The following MAP7D3 variants were observed in gnomAD, a reference collection of about 807,000 sequenced individuals.
MAP7D3 encodes the protein MAP7 domain-containing protein 3.
In MAP7D3, 45 loss-of-function variants were observed where a neutral mutation model predicts 62.2. That is an observed-to-expected ratio of 0.72 (90% CI 0.57 to 0.93). The LOEUF (loss-of-function observed/expected upper bound fraction) is 0.93. MAP7D3 is among the 40% of genes least tolerant of loss of function. The pLI is 0.00. For missense variants in MAP7D3, 711 were observed against 683.1 expected, an observed-to-expected ratio of 1.04 and a Z score of -0.45; for synonymous variants, 288 against 248.8, an observed-to-expected ratio of 1.16 and a Z score of -1.48.
chrX:136,241,654 T>C (rs1194955888), intron 4 of MAP7D3, among the ~76,000 whole-genome samples: 1 of 111,063 alleles, frequency 9.0e-6, no homozygotes, highest in Non-Finnish European at 1.9e-5. Context: ...CCCCCAACCA[T>C]TTATTTTTAT....
chrX:136,254,087 T>G (rs2074537763), upstream of MAP7D3, among the ~76,000 whole-genome samples: 1 of 108,988 alleles, frequency 9.2e-6, no homozygotes, highest in Admixed American at 9.8e-5. Context: ...GTTAGATAAT[T>G]TTTTCTTTAT....
At chrX:136,231,001 C>T in intron 8 of MAP7D3, 35 bp from the exon 9 acceptor site, 1 of 987,216 alleles carries the variant, frequency 1.0e-6, no homozygotes, top group Non-Finnish European at 1.4e-6. Flanking sequence ...AAATTACTAA[C>T]AAACAATTCT....
At chrX:136,218,627 C>T (rs2074087166) in intron 18 of MAP7D3, 134 bp from the exon 19 acceptor site, 1 of 111,779 alleles carries the variant, frequency 8.9e-6, no homozygotes, top group South Asian at 3.8e-4. Flanking sequence ...CACACTGGTC[C>T]TATAAATGTC....
chrX:136,222,867 A>G (rs1309316213), intron 14 of MAP7D3, among the ~76,000 whole-genome samples: 4 of 107,819 alleles, frequency 3.7e-5, no homozygotes. Flanking sequence ...GGGAGGACAA[A>G]GCCTCACTCT....
rs1304902176 is a variant in MAP7D3 at position 136,220,846 on chromosome X, G to C, written c.2405C>G (p.Pro802Arg). ...CAAATCGCCATTAAAATATGTTTTT[G>C]GCTCTTTACGGACCTGGCTGGTACC... Reference protein sequence around the residue: ...EDGTSQVRKEPKTYFNGDLKN... With the variant: ...EDGTSQVRKERKTYFNGDLKN... The change falls in exon 16 of 19, where the codon CCA becomes CGA. Residue 802 changes from proline (P) to arginine (R), a missense_variant. Coordinates refer to ENST00000316077, the MANE Select transcript of MAP7D3 (RefSeq NM_024597.4). The C allele has an allele frequency of 5.8e-6, 7 of 1,205,180 alleles. No individual in the cohort carries two copies. The Admixed American group carries it at 1.5e-4, about 26-fold the overall frequency.
intron 1 of MAP7D3, among the ~76,000 whole-genome samples, chrX:136,246,683 G>A (rs921399172): frequency 8.9e-6 from 1 of 111,995 alleles, no homozygotes; most frequent in South Asian, 3.7e-4. Context: ...TACACCAAGT[G>A]TTAGAAATAC....
rs1235029088 is a variant in MAP7D3, at chrX:136,236,372, T to C, written c.641-33A>G. ...GCAAGTACAAAAGGAATATTAGTTT[T>C]CATAAACTACTAATTATCTCAGGAG... On this transcript the variant is annotated intron_variant, in intron 6 of 18. Transcript: ENST00000316077. 4.7e-6 allele frequency: 4 copies of C among 851,132 alleles called. No individual in the cohort carries two copies. In the African/African-American group the frequency reaches 8.1e-5, roughly 17 times the overall value. The allele number at this position is 851,132 out of a possible 1,213,427, so 70.1% of individuals were successfully genotyped here.
chrX:136,249,450 A>G (rs1469010798), intron 1 of MAP7D3, among the ~76,000 whole-genome samples: 5 of 112,766 alleles, frequency 4.4e-5, no homozygotes, highest in Non-Finnish European at 9.4e-5. Context: ...GCATAAAAAT[A>G]TAAACACGTG....
At chrX:136,226,897 G>A (rs1175435618) in intron 12 of MAP7D3, among the ~76,000 whole-genome samples, 5 of 111,043 alleles carry the variant, frequency 4.5e-5, no homozygotes, top group African/African-American at 1.6e-4. Context: ...GGGAAGCTGA[G>A]GCGGGCGGAT....
At chrX:136,243,660 G>A (rs1025127065) in intron 4 of MAP7D3, among the ~76,000 whole-genome samples, 4 of 109,071 alleles carry the variant, frequency 3.7e-5, no homozygotes, top group East Asian at 2.9e-4. Flanking sequence ...CCAAGATCAC[G>A]CCACTATACT....
intron 5 of MAP7D3, 93 bp from the exon 6 acceptor site, chrX:136,240,579 T>C (rs142195457): frequency 2.8e-5 from 16 of 563,787 alleles, no homozygotes; most frequent in East Asian, 2.8e-4. Context: ...TATAGTTCTA[T>C]GGAGCACAGA....
upstream of MAP7D3, chrX:136,256,119 C>G: frequency 1.3e-6 from 1 of 750,743 alleles, no homozygotes; most frequent in Non-Finnish European, 1.6e-6. Flanking sequence ...ACAGTTGAGA[C>G]AAGGCTCTGG....
chrX:136,244,634 T>C lies in MAP7D3; in HGVS notation c.415A>G (p.Lys139Glu). ...EKRHQKDEAQ[K>E]EKFTAILYRT... ...GCACAGGCTGCAAAATTATGTACCTTTTGTGCTTCATCCTTCTGGTGTCTT... is the reference window on the plus strand; with the variant it reads ...GCACAGGCTGCAAAATTATGTACCTCTTGTGCTTCATCCTTCTGGTGTCTT... Residue 139 changes from lysine to glutamate, a missense_variant and splice_region_variant, in exon 4 of 19, where the codon AAG becomes GAG. Lys to Glu is a moderately conservative substitution (Grantham distance 56). Coordinates refer to ENST00000316077, the MANE Select transcript of MAP7D3 (RefSeq NM_024597.4). The C allele has an allele frequency of 8.3e-7, 1 of 1,207,444 alleles. No individual in the cohort carries two copies. The highest frequency in any genetic ancestry group is 3.0e-5 in the East Asian group (1 of 33,831).
At position 136,219,401 on chromosome X, in the gene MAP7D3, A is replaced by T. The variant is rs760987401; in HGVS notation, c.*29T>A. 2 of 1,137,085 alleles carry T rather than the reference A, an allele frequency of 1.8e-6. No individual in the cohort carries two copies. Among genetic ancestry groups the T allele is most frequent in the East Asian group, 3.0e-5 (1 of 33,537 alleles). 93.7% of individuals were successfully genotyped at this position (1,137,085 alleles called of 1,213,427 possible). On this transcript the variant is annotated 3_prime_UTR_variant, in exon 18 of 19. Transcript: ENST00000316077. ...GGTAGATGAGATGAGGACTTACCCA[A>T]ATGAGGAGAAACAGGTTTGCTTCTT...
chrX:136,243,680 G>T (rs1400330971), intron 4 of MAP7D3, among the ~76,000 whole-genome samples: 1 of 109,440 alleles, frequency 9.1e-6, no homozygotes, highest in Non-Finnish European at 1.9e-5. Context: ...TCCAGCCTGG[G>T]CGACAGAGTG....
chrX:136,227,524 T>A lies in MAP7D3; in HGVS notation c.1887-93A>T, dbSNP rs370296802. On this transcript the variant is annotated intron_variant, in intron 11 of 18. Transcript: ENST00000316077. Reference sequence around the variant, plus strand: ...TTTTTATAGTGAAACTTCCTGTGTATAGTAATATAATTTATATCCACACCA... The same window carrying A: ...TTTTTATAGTGAAACTTCCTGTGTAAAGTAATATAATTTATATCCACACCA... The A allele has an allele frequency of 2.3e-5, 13 of 574,117 alleles. No homozygotes were observed. The East Asian group carries it at 4.6e-4, about 20-fold the overall frequency. 47.3% of individuals were successfully genotyped at this position (574,117 alleles called of 1,213,427 possible).
At chrX:136,240,847 A>G (rs1041420550) in intron 5 of MAP7D3, among the ~76,000 whole-genome samples, 7 of 112,482 alleles carry the variant, frequency 6.2e-5, no homozygotes, top group Non-Finnish European at 1.3e-4. Context: ...CTAAATCAAT[A>G]GTAGACAAGG....
At chrX:136,218,752 C>T (rs934610990) in intron 18 of MAP7D3, among the ~76,000 whole-genome samples, 5 of 111,772 alleles carry the variant, frequency 4.5e-5, no homozygotes, top group African/African-American at 1.3e-4. Flanking sequence ...AGGCTTATTC[C>T]GAAGACCTCC....
Position 136,241,600 on chromosome X carries a change from C to T in MAP7D3, c.418-323G>A, listed in dbSNP as rs189180704. Among the ~76,000 whole-genome samples, 578 of 111,501 alleles carry T rather than the reference C, an allele frequency of 5.2e-3. 4 individuals are homozygous for T. The highest frequency in any genetic ancestry group is 6.0e-3 in the Non-Finnish European group (320 of 53,120). Reference sequence around the variant, plus strand: ...ATACTTTTGTGCATGCTAATCATACCTTATGTTTTATTTGCCTATGTTAGT... The same window carrying T: ...ATACTTTTGTGCATGCTAATCATACTTTATGTTTTATTTGCCTATGTTAGT... On this transcript the variant is annotated intron_variant, in intron 4 of 18. Transcript: ENST00000316077.
Sources: allele counts gnomAD v4.1 joint callset (sites outside exome capture counted in the v4.1 genomes callset), GRCh38; gene constraint gnomAD v4.1.1; transcripts MANE v1.5; gene names NCBI Gene and HGNC (gene_info 2026-07-23, HGNC 2026-07-21).